CNTN4: variants seen among roughly 807,000 people sequenced by gnomAD.
The protein encoded by CNTN4 is contactin-4.
Under a neutral mutation model 122.5 loss-of-function variants are expected in CNTN4, and 77 were observed. That is an observed-to-expected ratio of 0.63 (90% confidence interval 0.52 to 0.76). The LOEUF (loss-of-function observed/expected upper bound fraction) is 0.76, where lower values mean the gene tolerates loss of function less well. Ranked by LOEUF, CNTN4 falls within the 30% of genes least tolerant of loss-of-function variation. The pLI, the probability that CNTN4 is intolerant of heterozygous loss-of-function variation, is 0.00. For synonymous variants in CNTN4, 512 were observed against 447.0 expected (o/e 1.15, Z -1.83); for missense variants, 1,256 against 1,259.1 (o/e 1.00, Z 0.04).
At chr3:2,806,103 T>G (rs1454712392) in intron 6 of CNTN4, among the ~76,000 whole-genome samples, 1 of 152,054 alleles carries the variant, frequency 6.6e-6, no homozygotes, top group East Asian at 1.9e-4. Flanking sequence ...GGGTCTCACC[T>G]TGTTAGCCAG....
intron 6 of CNTN4, among the ~76,000 whole-genome samples, chr3:2,793,139 A>C (rs953321529): frequency 6.6e-6 from 1 of 152,142 alleles, no homozygotes. Context: ...CAGAGTTCAA[A>C]TGAAAACAAA....
chr3:2,224,247 G>A (rs758647990), intron 2 of CNTN4, among the ~76,000 whole-genome samples: 1 of 152,110 alleles, frequency 6.6e-6, no homozygotes, highest in Non-Finnish European at 1.5e-5. Flanking sequence ...ATATTTTCGG[G>A]TGGTGTGTCC....
At chr3:2,737,016 T>C (rs945061224) in intron 5 of CNTN4, among the ~76,000 whole-genome samples, 1 of 151,986 alleles carries the variant, frequency 6.6e-6, no homozygotes, top group Admixed American at 6.6e-5. Flanking sequence ...ATTCCTGACC[T>C]CAAGAGATCT....
intron 3 of CNTN4, among the ~76,000 whole-genome samples, chr3:2,549,246 G>A (rs2078379469): frequency 6.6e-6 from 1 of 152,130 alleles, no homozygotes; most frequent in Admixed American, 6.5e-5. Context: ...TGTTGAATAG[G>A]AGTGGTAAGA....
chr3:2,248,032 G>A (rs1269670797), intron 2 of CNTN4, among the ~76,000 whole-genome samples: 2 of 151,808 alleles, frequency 1.3e-5, no homozygotes, highest in Non-Finnish European at 2.9e-5. Flanking sequence ...CCTGACATGT[G>A]ATATATGTAT....
intron 13 of CNTN4, among the ~76,000 whole-genome samples, chr3:2,976,759 A>G (rs1308756121): frequency 6.6e-6 from 1 of 152,194 alleles, no homozygotes; most frequent in Non-Finnish European, 1.5e-5. Context: ...ATTTCCACGT[A>G]TCTTTTGAAA....
At chr3:2,312,187 G>A (rs974296058) in intron 2 of CNTN4, among the ~76,000 whole-genome samples, 4 of 151,920 alleles carry the variant, frequency 2.6e-5, no homozygotes, top group African/African-American at 7.3e-5. Flanking sequence ...TGCACACCTC[G>A]TGAGGCCAAA....
chr3:2,883,119 G>A, intron 8 of CNTN4, 26 bp from the exon 9 acceptor site: 2 of 1,514,218 alleles, frequency 1.3e-6, no homozygotes, highest in Non-Finnish European at 1.8e-6. Context: ...GAATCTCCAA[G>A]ACTTAGCCCC....
chr3:2,414,704 T>A (rs1199981697), intron 3 of CNTN4, among the ~76,000 whole-genome samples: 1 of 152,168 alleles, frequency 6.6e-6, no homozygotes, highest in Non-Finnish European at 1.5e-5. Context: ...ACCTAGACAT[T>A]CAAGGAGTTG....
Position 2,231,269 on chromosome 3 carries a change from G to GT in CNTN4, c.-144-107908dup, listed in dbSNP as rs140541462. The stretch of plus-strand genomic sequence containing the variant: ...ACATCTGGCTAGTGGTGGTTACCAA[G>GT]TAGGACAGCTTGGCTCTGAATAGCA... On this transcript the variant is annotated intron_variant, in intron 2 of 24. Transcript: ENST00000418658. 3.7e-3 allele frequency among the ~76,000 whole-genome samples: 558 copies of GT among 152,278 alleles called. 9 individuals carry two copies. The East Asian group carries it at 0.045, about 12-fold the overall frequency.
At chr3:2,582,989 A>G (rs7609846) in intron 4 of CNTN4, among the ~76,000 whole-genome samples, 21,459 of 152,092 alleles carry the variant, frequency 0.14, 1,644 homozygotes, top group Non-Finnish European at 0.16. Context: ...GAATGCAGCA[A>G]TATATATGTT....
chr3:2,638,982 C>T (rs1327987876), intron 4 of CNTN4, among the ~76,000 whole-genome samples: 1 of 152,208 alleles, frequency 6.6e-6, no homozygotes, highest in Non-Finnish European at 1.5e-5. Context: ...AAAATACCCT[C>T]CTCATTGGTC....
At chr3:2,487,528 A>G (rs1288432284) in intron 3 of CNTN4, among the ~76,000 whole-genome samples, 11 of 152,328 alleles carry the variant, frequency 7.2e-5, no homozygotes, top group Admixed American at 5.9e-4. Context: ...AAAAAGCCCT[A>G]GTCAATTATA....
At chr3:2,390,758 A>G (rs1014482602) in intron 3 of CNTN4, among the ~76,000 whole-genome samples, 2 of 152,176 alleles carry the variant, frequency 1.3e-5, no homozygotes, top group African/African-American at 4.8e-5. Context: ...AATAATGTTG[A>G]CCATATAACC....
intron 11 of CNTN4, among the ~76,000 whole-genome samples, chr3:2,901,683 A>C (rs1170137279): frequency 1.3e-5 from 2 of 152,162 alleles, no homozygotes; most frequent in African/African-American, 4.8e-5. Flanking sequence ...AATCACTGAG[A>C]GAGTGAGTAT....
intron 2 of CNTN4, among the ~76,000 whole-genome samples, chr3:2,109,835 T>G (rs2032805476): frequency 6.6e-6 from 1 of 152,192 alleles, no homozygotes; most frequent in Non-Finnish European, 1.5e-5. Flanking sequence ...CCTTACAGAT[T>G]AGTGAATTAA....
At chr3:3,040,446 G>T in intron 20 of CNTN4, 175 bp downstream of exon 20, 1 of 650,236 alleles carries the variant, frequency 1.5e-6, no homozygotes, top group Non-Finnish European at 2.8e-6. Flanking sequence ...CTCTTGAAAA[G>T]ATAGCGACTG....
intron 6 of CNTN4, among the ~76,000 whole-genome samples, chr3:2,751,203 G>A (rs186874805): frequency 1.3e-5 from 2 of 152,210 alleles, no homozygotes; most frequent in East Asian, 3.9e-4. Flanking sequence ...AGCTACTCGG[G>A]AGGCTGAGGC....
chr3:2,415,810 T>C (rs1446574272), intron 3 of CNTN4, among the ~76,000 whole-genome samples: 2 of 152,136 alleles, frequency 1.3e-5, no homozygotes. Flanking sequence ...TTTTTTTAAA[T>C]TTGGTTTTTG....
Sources: allele counts gnomAD v4.1 joint callset (sites outside exome capture counted in the v4.1 genomes callset), GRCh38; gene constraint gnomAD v4.1.1; transcripts MANE v1.5; gene names NCBI Gene and HGNC (gene_info 2026-07-23, HGNC 2026-07-21).